Variants in TMEM131L observed in about 807,000 individuals in gnomAD.
The protein encoded by TMEM131L is transmembrane protein 131-like.
A neutral mutation model predicts 192.2 loss-of-function variants in TMEM131L; 54 were observed. The observed-to-expected ratio is 0.28, with a 90% CI of 0.23 to 0.35. The LOEUF is 0.35. Among genes scored for constraint, TMEM131L ranks in the 10% least tolerant of loss-of-function variants. The pLI is 1.00. For missense variants in TMEM131L, 1,888 were observed against 1,972.9 expected, an observed-to-expected ratio of 0.96 and a Z score of 0.82; for synonymous variants, 701 against 704.9, an observed-to-expected ratio of 0.99 and a Z score of 0.09.
intron 29 of TMEM131L, among the ~76,000 whole-genome samples, chr4:153,623,395 T>A (rs1421914816): frequency 6.6e-6 from 1 of 152,216 alleles, no homozygotes; most frequent in East Asian, 1.9e-4. Context: ...TTCTTAGGTG[T>A]GGACTTCTAT....
chr4:153,498,885 T>G (rs2149969385), intron 3 of TMEM131L, among the ~76,000 whole-genome samples: 1 of 152,354 alleles, frequency 6.6e-6, no homozygotes, highest in Admixed American at 6.5e-5. Context: ...TTTGCCAACC[T>G]TTCTTGGAAA....
chr4:153,526,989 G>A (rs986997266), intron 3 of TMEM131L, among the ~76,000 whole-genome samples: 1 of 152,000 alleles, frequency 6.6e-6, no homozygotes, highest in Non-Finnish European at 1.5e-5. Flanking sequence ...CTTTTGTCTG[G>A]GACAATACCT....
At chr4:153,621,654 G>C (rs763674409) in intron 27 of TMEM131L, 29 bp from the exon 28 acceptor site, 1 of 1,573,710 alleles carries the variant, frequency 6.4e-7, no homozygotes, top group Non-Finnish European at 8.7e-7. Context: ...ATACAGATGT[G>C]TTTTTTTGTG....
At chr4:153,497,407 G>T (rs1162978928) in intron 3 of TMEM131L, among the ~76,000 whole-genome samples, 4 of 152,002 alleles carry the variant, frequency 2.6e-5, no homozygotes, top group African/African-American at 9.7e-5. Context: ...GCCTCATGCT[G>T]CTTGAAGCTG....
chr4:153,557,584 C>T (rs12502182), intron 6 of TMEM131L, among the ~76,000 whole-genome samples: 32,289 of 152,066 alleles, frequency 0.21, 5,569 homozygotes, highest in East Asian at 0.52. Context: ...TGTTGCTATT[C>T]TCAGAAATAG....
chr4:153,571,495 C>T (rs1729585455), intron 7 of TMEM131L, among the ~76,000 whole-genome samples: 1 of 152,156 alleles, frequency 6.6e-6, no homozygotes, highest in Non-Finnish European at 1.5e-5. Flanking sequence ...TAATTGTTTA[C>T]TATGGGGGAT....
chr4:153,567,760 C>T (rs1729321931), intron 7 of TMEM131L, among the ~76,000 whole-genome samples: 1 of 152,238 alleles, frequency 6.6e-6, no homozygotes, highest in Non-Finnish European at 1.5e-5. Context: ...CCTGGCTGGT[C>T]TCGAACTTCT....
intron 26 of TMEM131L, among the ~76,000 whole-genome samples, chr4:153,616,802 T>A (rs1482889336): frequency 6.6e-6 from 1 of 152,218 alleles, no homozygotes; most frequent in African/African-American, 2.4e-5. Flanking sequence ...CTATAAAAAT[T>A]AAATGGGGAG....
intron 2 of TMEM131L, among the ~76,000 whole-genome samples, chr4:153,470,979 TTTTG>T (rs1731116292): frequency 6.9e-6 from 1 of 144,504 alleles, no homozygotes; most frequent in Admixed American, 6.8e-5. Context: ...CTTCGGTTTT[TTTTG>T]TTTGTTTTCT....
intron 18 of TMEM131L, among the ~76,000 whole-genome samples, 179 bp downstream of exon 18, chr4:153,592,763 C>G (rs1731165260): frequency 6.6e-6 from 1 of 152,254 alleles, no homozygotes; most frequent in African/African-American, 2.4e-5. Context: ...ATGGAACTAC[C>G]TGGCTCTGTG....
At chr4:153,500,983 T>G (rs1733565522) in intron 3 of TMEM131L, among the ~76,000 whole-genome samples, 1 of 151,410 alleles carries the variant, frequency 6.6e-6, no homozygotes. Flanking sequence ...ATAATAGAGT[T>G]AAAAAAAAAT....
intron 3 of TMEM131L, among the ~76,000 whole-genome samples, chr4:153,476,148 G>C: frequency 6.6e-6 from 1 of 151,974 alleles, no homozygotes; most frequent in East Asian, 1.9e-4. Flanking sequence ...TAGTAGAGAT[G>C]AGGTTTCACC....
chr4:153,598,724 G>C lies in TMEM131L; in HGVS notation c.2258G>C (p.Cys753Ser). 6.2e-7 allele frequency: 1 copy of C among 1,613,058 alleles called. No individual in the cohort carries two copies. The highest frequency in any genetic ancestry group is 8.5e-7 in the Non-Finnish European group (1 of 1,179,324). ...FKVPESTLMD[C>S]RRQLKDSKQI... ...GTGCCCGAGTCCACGCTGATGGACT[G>C]CCGTAGACGTGAGTTCATATGTGTG... The change falls in exon 21 of 35, where the codon TGC becomes TCC. Residue 753 changes from cysteine (C) to serine (S), a missense_variant. Cys to Ser is a moderately radical substitution (Grantham distance 112). Coordinates refer to ENST00000409959, the MANE Select transcript of TMEM131L (RefSeq NM_001131007.2).
At chr4:153,634,793 T>A (rs1381732685) in intron 33 of TMEM131L, among the ~76,000 whole-genome samples, 1 of 152,198 alleles carries the variant, frequency 6.6e-6, no homozygotes, top group Non-Finnish European at 1.5e-5. Context: ...AATAAAAAAA[T>A]GAGAGCTATG....
At chr4:153,621,644 A>G in intron 27 of TMEM131L, 39 bp from the exon 28 acceptor site, 2 of 1,607,476 alleles carry the variant, frequency 1.2e-6, no homozygotes, top group Non-Finnish European at 1.7e-6. Context: ...ACATGATAAA[A>G]TACAGATGTG....
intron 25 of TMEM131L, among the ~76,000 whole-genome samples, chr4:153,607,886 G>A (rs2126502131): frequency 6.6e-6 from 1 of 152,366 alleles, no homozygotes; most frequent in African/African-American, 2.4e-5. Flanking sequence ...GAGCCCAGGA[G>A]TTCCAGGCCA....
chr4:153,523,388 G>C (rs935921458), intron 3 of TMEM131L, among the ~76,000 whole-genome samples: 1 of 152,168 alleles, frequency 6.6e-6, no homozygotes, highest in Non-Finnish European at 1.5e-5. Context: ...TAGCAGAGGG[G>C]ACTAGCTATT....
rs116085439 is a variant in TMEM131L, at chr4:153,612,449, C to T, written c.3567+49C>T. 1,619 of 1,414,334 alleles carry T rather than the reference C, an allele frequency of 1.1e-3. 18 individuals carry two copies. In the African/African-American group the frequency reaches 0.021, roughly 18 times the overall value. 87.6% of individuals were successfully genotyped at this position (1,414,334 alleles called of 1,614,324 possible). On this transcript the variant is annotated intron_variant, in intron 26 of 34. Coordinates refer to ENST00000409959, the MANE Select transcript of TMEM131L (RefSeq NM_001131007.2). ...TTAAAAACAAAATCCATTTTTAGGA[C>T]TGTGTATTAAGTGAATATGTGTATT...
chr4:153,540,035 C>T (rs1239428529), intron 3 of TMEM131L, among the ~76,000 whole-genome samples: 3 of 151,824 alleles, frequency 2.0e-5, no homozygotes, highest in South Asian at 2.1e-4. Context: ...TGCTTGAACC[C>T]GGGAGGCGGA....
Sources: gnomAD v4.1 joint callset for allele counts (sites outside exome capture counted in the v4.1 genomes callset) on GRCh38, gnomAD v4.1.1 for gene constraint, MANE v1.5 for transcripts, NCBI Gene and HGNC (gene_info 2026-07-23, HGNC 2026-07-21) for gene names.